CCDC73: variants seen among roughly 807,000 people sequenced by gnomAD.
The protein encoded by CCDC73 is coiled-coil domain containing 73.
A neutral mutation model predicts 116.5 loss-of-function variants in CCDC73; 95 were observed. That is an observed-to-expected ratio of 0.82 (90% CI 0.69 to 0.97). The LOEUF is 0.97. Ranked by LOEUF, CCDC73 falls within the 50% of genes least tolerant of loss-of-function variation. The pLI is 0.00. For synonymous variants in CCDC73, 398 were observed against 401.3 expected, an observed-to-expected ratio of 0.99 and a Z score of 0.10; for missense variants, 1,066 against 1,206.8, an observed-to-expected ratio of 0.88 and a Z score of 1.73.
the CCDC73 span, among the ~76,000 whole-genome samples, chr11:32,814,661 G>T: frequency 6.6e-6 from 1 of 152,050 alleles, no homozygotes; most frequent in Admixed American, 6.6e-5. Context: ...ATATGACCTA[G>T]CAAGTCCCCT....
At chr11:32,702,818 G>A (rs1192607571) in intron 4 of CCDC73, 55 bp downstream of exon 4, 2 of 1,157,274 alleles carry the variant, frequency 1.7e-6, no homozygotes, top group Admixed American at 3.4e-5. Context: ...TTCATAGGAG[G>A]GGGAGGAAAT....
At chr11:32,829,670 T>A in the CCDC73 span, 1 of 757,768 alleles carries the variant, frequency 1.3e-6, no homozygotes, top group Non-Finnish European at 1.6e-6. Context: ...ACCGAAATGC[T>A]TCCTGAATTA....
At chr11:32,770,939 A>G (rs1850488355) in intron 1 of CCDC73, among the ~76,000 whole-genome samples, 1 of 152,174 alleles carries the variant, frequency 6.6e-6, no homozygotes, top group South Asian at 2.1e-4. Flanking sequence ...GCTCAAATAA[A>G]TATCAAAACA....
At chr11:32,702,163 G>A (rs2133316073) in intron 4 of CCDC73, among the ~76,000 whole-genome samples, 1 of 152,226 alleles carries the variant, frequency 6.6e-6, no homozygotes, top group East Asian at 1.9e-4. Context: ...TTATAAAGAT[G>A]AAGATAAAAA....
intron 2 of CCDC73, among the ~76,000 whole-genome samples, chr11:32,735,548 T>C (rs953294801): frequency 4.6e-5 from 7 of 152,166 alleles, no homozygotes; most frequent in African/African-American, 1.4e-4. Flanking sequence ...TGCTCATGGA[T>C]AGGAAGAATC....
At chr11:32,708,305 GGCC>G (rs1249083647) in intron 3 of CCDC73, among the ~76,000 whole-genome samples, 1 of 152,016 alleles carries the variant, frequency 6.6e-6, no homozygotes, top group African/African-American at 2.4e-5. Flanking sequence ...TGGTGACTAT[GGCC>G]TTGTAGAATA....
At chr11:32,649,025 C>T (rs1167637465) in intron 12 of CCDC73, among the ~76,000 whole-genome samples, 1 of 152,214 alleles carries the variant, frequency 6.6e-6, no homozygotes, top group African/African-American at 2.4e-5. Flanking sequence ...CTTGCCCCTT[C>T]ATGAGCTCTA....
At chr11:32,608,870 G>A (rs1374739701) in intron 17 of CCDC73, among the ~76,000 whole-genome samples, 1 of 152,170 alleles carries the variant, frequency 6.6e-6, no homozygotes, top group African/African-American at 2.4e-5. Context: ...GCCAAGGCTT[G>A]GGGCTTGTAC....
chr11:32,651,031 A>T (rs1210860471), intron 12 of CCDC73, among the ~76,000 whole-genome samples: 1 of 152,126 alleles, frequency 6.6e-6, no homozygotes, highest in Non-Finnish European at 1.5e-5. Flanking sequence ...GCAAACACAG[A>T]CCCTCATAAG....
the CCDC73 span, among the ~76,000 whole-genome samples, chr11:32,818,013 C>T: frequency 5.3e-5 from 8 of 152,354 alleles, no homozygotes; most frequent in South Asian, 6.2e-4. Flanking sequence ...CTGGCACTTA[C>T]GGTGAAACTA....
At chr11:32,826,806 T>C in the CCDC73 span, among the ~76,000 whole-genome samples, 3 of 152,096 alleles carry the variant, frequency 2.0e-5, no homozygotes, top group African/African-American at 7.2e-5. Flanking sequence ...AAAAATACCA[T>C]CTGTGAGAAC....
intron 6 of CCDC73, among the ~76,000 whole-genome samples, chr11:32,690,987 C>A (rs899239760): frequency 5.3e-5 from 8 of 151,994 alleles, no homozygotes; most frequent in Non-Finnish European, 1.0e-4. Flanking sequence ...ATTTTTACTG[C>A]CCTAAAAAAC....
chr11:32,669,315 A>AT (rs563004009), intron 9 of CCDC73, among the ~76,000 whole-genome samples: 1 of 152,060 alleles, frequency 6.6e-6, no homozygotes, highest in Non-Finnish European at 1.5e-5. Flanking sequence ...TGCTCAACTG[A>AT]TTTTTTTAAT....
chr11:32,667,411 A>G (rs1855995438), intron 9 of CCDC73, among the ~76,000 whole-genome samples: 1 of 152,102 alleles, frequency 6.6e-6, no homozygotes, highest in South Asian at 2.1e-4. Flanking sequence ...TTGATCTCAG[A>G]CTGCTGTGCT....
intron 12 of CCDC73, among the ~76,000 whole-genome samples, chr11:32,652,327 AAAAACAAAAC>A (rs147061574): frequency 5.3e-5 from 8 of 150,582 alleles, no homozygotes; most frequent in Non-Finnish European, 1.0e-4. Flanking sequence ...AGAAAGAAAG[AAAAACAAAAC>A]AAAACAAAAC....
chr11:32,768,071 C>G (rs11031974), intron 1 of CCDC73, among the ~76,000 whole-genome samples: 23,808 of 152,114 alleles, frequency 0.16, 1,991 homozygotes, highest in South Asian at 0.27. Flanking sequence ...TGGAACCAAC[C>G]CAGATGTCCA....
At chr11:32,730,915 G>A (rs568867223) in intron 2 of CCDC73, among the ~76,000 whole-genome samples, 221 of 152,260 alleles carry the variant, frequency 1.5e-3, no homozygotes, top group Non-Finnish European at 2.1e-3. Flanking sequence ...GGGGCTTGTC[G>A]GACAGTAAGT....
chr11:32,616,205 T>C, intron 14 of CCDC73, 76 bp from the exon 15 acceptor site: 2 of 1,388,930 alleles, frequency 1.4e-6, no homozygotes, highest in Non-Finnish European at 1.9e-6. Flanking sequence ...GTGATAAATG[T>C]GGAATCTGTG....
intron 2 of CCDC73, among the ~76,000 whole-genome samples, chr11:32,737,612 T>G: frequency 1.5e-5 from 2 of 133,506 alleles, no homozygotes; most frequent in African/African-American, 3.2e-5. Context: ...AGCAAGACTG[T>G]GTCTCAAAAA....
Sources: allele counts gnomAD v4.1 joint callset (sites outside exome capture counted in the v4.1 genomes callset), GRCh38; gene constraint gnomAD v4.1.1; transcripts MANE v1.5; gene names NCBI Gene and HGNC (gene_info 2026-07-23, HGNC 2026-07-21).